NKAIN2: variants seen among roughly 807,000 people sequenced by gnomAD.
NKAIN2 encodes the protein sodium/potassium-transporting ATPase subunit beta-1-interacting protein 2.
Under a neutral mutation model 32.6 loss-of-function variants are expected in NKAIN2, and 14 were observed. The ratio of observed to expected loss-of-function variants is 0.43; its 90% CI spans 0.28 to 0.67. The LOEUF is 0.67. Among genes scored for constraint, NKAIN2 ranks in the 30% least tolerant of loss-of-function variants. The pLI is 0.17. For missense variants in NKAIN2, 198 were observed against 258.3 expected (o/e 0.77, Z 1.60); for synonymous variants, 80 against 87.2 (o/e 0.92, Z 0.46).
At chr6:123,891,577 T>C (rs1774020502) in intron 1 of NKAIN2, among the ~76,000 whole-genome samples, 1 of 152,190 alleles carries the variant, frequency 6.6e-6, no homozygotes, top group South Asian at 2.1e-4. Flanking sequence ...ACATTGGTGC[T>C]TATTCCCCAT....
chr6:123,988,480 C>G (rs1207413488), intron 1 of NKAIN2, among the ~76,000 whole-genome samples: 1 of 152,106 alleles, frequency 6.6e-6, no homozygotes, highest in Non-Finnish European at 1.5e-5. Context: ...CCGTCAGTTC[C>G]ACAGATTTAC....
intron 4 of NKAIN2, among the ~76,000 whole-genome samples, chr6:124,762,902 A>C (rs1373046677): frequency 6.6e-6 from 1 of 152,208 alleles, no homozygotes; most frequent in Non-Finnish European, 1.5e-5. Flanking sequence ...ACTTCACTGT[A>C]AATCTGAGGA....
intron 3 of NKAIN2, among the ~76,000 whole-genome samples, chr6:124,553,653 A>G (rs541735932): frequency 6.6e-6 from 1 of 152,230 alleles, no homozygotes; most frequent in South Asian, 2.1e-4. Context: ...CTTCACAGAA[A>G]CCCGAGGAAG....
intron 3 of NKAIN2, among the ~76,000 whole-genome samples, chr6:124,588,807 C>A (rs1781804398): frequency 1.3e-5 from 2 of 152,076 alleles, no homozygotes; most frequent in African/African-American, 4.8e-5. Flanking sequence ...AGAGATTGAT[C>A]ATTTATCTGA....
chr6:124,173,074 G>A (rs548739703), intron 1 of NKAIN2, among the ~76,000 whole-genome samples: 1 of 152,178 alleles, frequency 6.6e-6, no homozygotes, highest in Admixed American at 6.5e-5. Flanking sequence ...ATTATCTGAA[G>A]TCTCCTCTAA....
intron 2 of NKAIN2, among the ~76,000 whole-genome samples, chr6:124,330,569 C>A (rs964717214): frequency 3.9e-5 from 6 of 152,164 alleles, no homozygotes; most frequent in African/African-American, 1.2e-4. Context: ...CCATGAGACA[C>A]CTTACTTTGG....
At chr6:124,595,258 A>T (rs1256084611) in intron 3 of NKAIN2, among the ~76,000 whole-genome samples, 2 of 152,094 alleles carry the variant, frequency 1.3e-5, no homozygotes, top group Admixed American at 1.3e-4. Flanking sequence ...TGATCTCTGC[A>T]CTTCTCCATT....
chr6:124,734,336 A>C (rs1016831115), intron 4 of NKAIN2, among the ~76,000 whole-genome samples: 3 of 151,794 alleles, frequency 2.0e-5, no homozygotes, highest in African/African-American at 7.3e-5. Flanking sequence ...TCATGGCCTC[A>C]GGACTGGGAT....
chr6:124,342,775 G>A (rs1339164229), intron 2 of NKAIN2, among the ~76,000 whole-genome samples: 1 of 151,078 alleles, frequency 6.6e-6, no homozygotes, highest in Non-Finnish European at 1.5e-5. Context: ...AAAGTACTGG[G>A]ATTACAAGGA....
intron 4 of NKAIN2, among the ~76,000 whole-genome samples, chr6:124,729,200 T>C (rs1467022435): frequency 6.6e-6 from 1 of 151,822 alleles, no homozygotes; most frequent in Non-Finnish European, 1.5e-5. Context: ...CCTCCCTAAC[T>C]CATTTTATGA....
At chr6:123,911,224 A>G (rs1210514042) in intron 1 of NKAIN2, among the ~76,000 whole-genome samples, 2 of 152,198 alleles carry the variant, frequency 1.3e-5, no homozygotes, top group Admixed American at 1.3e-4. Flanking sequence ...CTATAAAGGA[A>G]TACCTGAGGT....
chr6:124,305,046 G>A (rs1796453703), intron 2 of NKAIN2, among the ~76,000 whole-genome samples: 1 of 152,128 alleles, frequency 6.6e-6, no homozygotes, highest in Non-Finnish European at 1.5e-5. Flanking sequence ...AAGGATTTTG[G>A]TACACATTTA....
intron 1 of NKAIN2, among the ~76,000 whole-genome samples, chr6:124,109,233 G>A (rs73565464): frequency 0.028 from 4,298 of 151,910 alleles, 206 homozygotes; most frequent in African/African-American, 0.097. Context: ...TCTCATCAAT[G>A]CAGTGTTTTT....
At chr6:124,643,870 T>C (rs1262329823) in intron 3 of NKAIN2, among the ~76,000 whole-genome samples, 1 of 152,214 alleles carries the variant, frequency 6.6e-6, no homozygotes, top group Non-Finnish European at 1.5e-5. Context: ...CAAATCTCTG[T>C]AATCTAGCCC....
rs560806513 is a variant in NKAIN2, at chr6:124,729,718, G to A, written c.475-61621G>A. The stretch of plus-strand genomic sequence containing the variant: ...TGGAAGTTCTGGCCAGGGCAATTAG[G>A]CAGGAGAAGGAAATAAAGGGTATTC... On this transcript the variant is annotated intron_variant, in intron 4 of 6. Coordinates refer to ENST00000368417, the MANE Select transcript of NKAIN2 (RefSeq NM_001040214.3). Among the ~76,000 whole-genome samples, 110 of 150,776 alleles carry A rather than the reference G, an allele frequency of 7.3e-4. 1 individual carries two copies. In the East Asian group the frequency reaches 0.021, roughly 28 times the overall value.
intron 3 of NKAIN2, among the ~76,000 whole-genome samples, chr6:124,639,579 A>G (rs1783908927): frequency 6.6e-6 from 1 of 152,166 alleles, no homozygotes; most frequent in African/African-American, 2.4e-5. Flanking sequence ...GGTTGCAGTA[A>G]GCCGAGATCA....
chr6:124,205,738 A>G (rs1790842923), intron 1 of NKAIN2, among the ~76,000 whole-genome samples: 1 of 151,804 alleles, frequency 6.6e-6, no homozygotes, highest in Non-Finnish European at 1.5e-5. Context: ...GAAAGTAAAG[A>G]AGGAAAGTCA....
intron 1 of NKAIN2, among the ~76,000 whole-genome samples, chr6:124,137,838 A>G (rs1252136862): frequency 6.6e-6 from 1 of 152,132 alleles, no homozygotes; most frequent in Non-Finnish European, 1.5e-5. Context: ...CTTGATCTTC[A>G]TTGCTCATCT....
intron 3 of NKAIN2, among the ~76,000 whole-genome samples, chr6:124,467,695 G>T (rs575092543): frequency 2.4e-4 from 37 of 151,986 alleles, no homozygotes; most frequent in Non-Finnish European, 4.7e-4. Flanking sequence ...ATTTTATTAA[G>T]TATAAAATTA....
Sources: allele counts gnomAD v4.1 joint callset (sites outside exome capture counted in the v4.1 genomes callset), GRCh38; gene constraint gnomAD v4.1.1; transcripts MANE v1.5; gene names NCBI Gene and HGNC (gene_info 2026-07-23, HGNC 2026-07-21).